CERS6: variants seen among roughly 807,000 people sequenced by gnomAD.
CERS6 encodes LAG1 homolog, ceramide synthase 6.
Under a neutral mutation model 56.8 loss-of-function variants are expected in CERS6, and 26 were observed. The observed-to-expected ratio is 0.46, with a 90% confidence interval of 0.34 to 0.63. The LOEUF is 0.63. Ranked by LOEUF, CERS6 falls within the 30% of genes least tolerant of loss-of-function variation. The pLI is 0.01. For synonymous variants in CERS6, 164 were observed against 173.3 expected, an observed-to-expected ratio of 0.95 and a Z score of 0.42; for missense variants, 415 against 467.5, an observed-to-expected ratio of 0.89 and a Z score of 1.04.
intron 8 of CERS6, among the ~76,000 whole-genome samples, chr2:168,760,699 C>A (rs1480374306): frequency 6.6e-6 from 1 of 152,138 alleles, no homozygotes; most frequent in Non-Finnish European, 1.5e-5. Flanking sequence ...TTGTAACATT[C>A]TTGGGCCAAA....
intron 4 of CERS6, among the ~76,000 whole-genome samples, chr2:168,669,015 T>C (rs1685840779): frequency 6.6e-6 from 1 of 152,188 alleles, no homozygotes; most frequent in African/African-American, 2.4e-5. Context: ...TCGCTGTTCC[T>C]CTCTAGTACA....
intron 3 of CERS6, among the ~76,000 whole-genome samples, chr2:168,618,926 A>G (rs1305217442): frequency 6.6e-6 from 1 of 152,236 alleles, no homozygotes; most frequent in African/African-American, 2.4e-5. Context: ...AGCCAAAGCA[A>G]GACTATGCAA....
intron 1 of CERS6, among the ~76,000 whole-genome samples, chr2:168,515,231 T>C (rs1193130593): frequency 2.0e-5 from 3 of 152,196 alleles, no homozygotes; most frequent in African/African-American, 7.2e-5. Flanking sequence ...AATTTAATCA[T>C]TAAGAATGAA....
intron 8 of CERS6, among the ~76,000 whole-genome samples, chr2:168,756,199 AC>A (rs1162923525): frequency 1.3e-5 from 2 of 152,134 alleles, no homozygotes; most frequent in Non-Finnish European, 1.5e-5. Context: ...CTTTTAGAAA[AC>A]TGGAAAAGTA....
At chr2:168,557,897 G>T (rs922787001) in intron 2 of CERS6, among the ~76,000 whole-genome samples, 14 of 152,044 alleles carry the variant, frequency 9.2e-5, no homozygotes, top group African/African-American at 3.4e-4. Context: ...TACAGAGAAG[G>T]GTTTAATCAC....
At chr2:168,577,543 A>G (rs1248730405) in intron 3 of CERS6, among the ~76,000 whole-genome samples, 1 of 152,204 alleles carries the variant, frequency 6.6e-6, no homozygotes, top group Admixed American at 6.5e-5. Flanking sequence ...GGAATGATCC[A>G]GCAAAGAGGG....
intron 6 of CERS6, among the ~76,000 whole-genome samples, chr2:168,705,063 G>T (rs1463467286): frequency 6.6e-6 from 1 of 152,186 alleles, no homozygotes; most frequent in Non-Finnish European, 1.5e-5. Context: ...AACCTGCTAT[G>T]GTAGTTAGAT....
intron 5 of CERS6, 71 bp from the exon 6 acceptor site, chr2:168,694,888 T>G: frequency 9.4e-5 from 111 of 1,178,246 alleles, no homozygotes; most frequent in Non-Finnish European, 1.3e-4. Flanking sequence ...GCAGTGAGCT[T>G]GAGATGTCTG....
intron 4 of CERS6, among the ~76,000 whole-genome samples, chr2:168,639,737 T>C (rs6433078): frequency 0.33 from 50,590 of 151,828 alleles, 9,627 homozygotes; most frequent in African/African-American, 0.52. Context: ...GAATTCCGAT[T>C]GGACCAGCTC....
chr2:168,692,260 C>T (rs759891380), intron 5 of CERS6, among the ~76,000 whole-genome samples: 6 of 152,112 alleles, frequency 3.9e-5, no homozygotes, highest in Non-Finnish European at 7.4e-5. Context: ...CTGCTGTTTA[C>T]CGTACTTGGA....
chr2:168,726,500 AAGG>A (rs1385805484), intron 8 of CERS6, among the ~76,000 whole-genome samples: 3 of 152,234 alleles, frequency 2.0e-5, no homozygotes, highest in African/African-American at 7.2e-5. Flanking sequence ...CTGGTAAAGA[AAGG>A]AGAAAATTCA....
At chr2:168,504,822 A>G (rs576254074) in intron 1 of CERS6, among the ~76,000 whole-genome samples, 3 of 152,256 alleles carry the variant, frequency 2.0e-5, no homozygotes, top group East Asian at 3.9e-4. Flanking sequence ...TCTACCAGCC[A>G]AAGCTTCAGG....
chr2:168,633,646 T>G (rs1032318893), intron 4 of CERS6, among the ~76,000 whole-genome samples: 1 of 152,214 alleles, frequency 6.6e-6, no homozygotes, highest in East Asian at 1.9e-4. Context: ...AATACTTCTT[T>G]TAATGTATAT....
At chr2:168,665,963 T>A (rs888701867) in intron 4 of CERS6, among the ~76,000 whole-genome samples, 44 of 145,672 alleles carry the variant, frequency 3.0e-4, no homozygotes, top group African/African-American at 1.2e-3. Context: ...TGTGTGTGTG[T>A]GTGTGTGTGT....
In CERS6 at chr2:168,606,871, G is replaced by A. The variant is rs1252996429; in HGVS notation, c.408-24114G>A. ...GAGATCTGGTTGTTTAAAAGTGTGT[G>A]GCACCTTCCCCCTCTCTCTCTTGCT... is the stretch of plus-strand genomic sequence containing the variant. On this transcript the variant is annotated intron_variant, in intron 3 of 9. Coordinates refer to ENST00000305747, the MANE Select transcript of CERS6 (RefSeq NM_203463.3). Among the ~76,000 whole-genome samples the A allele has an allele frequency of 5.9e-5, 9 of 152,270 alleles. No homozygotes were observed. In the East Asian group the frequency reaches 1.7e-3, roughly 29 times the overall value.
At chr2:168,551,772 C>T (rs112589888) in intron 2 of CERS6, among the ~76,000 whole-genome samples, 5 of 152,288 alleles carry the variant, frequency 3.3e-5, no homozygotes, top group Admixed American at 6.5e-5. Context: ...TCTACAATTA[C>T]GGATTGTCAG....
chr2:168,744,939 C>A (rs1684054948), intron 8 of CERS6, among the ~76,000 whole-genome samples: 1 of 152,138 alleles, frequency 6.6e-6, no homozygotes, highest in Non-Finnish European at 1.5e-5. Flanking sequence ...AGGCTCCACC[C>A]CAGAATAATT....
At chr2:168,497,067 A>T (rs1206927601) in intron 1 of CERS6, among the ~76,000 whole-genome samples, 1 of 152,206 alleles carries the variant, frequency 6.6e-6, no homozygotes, top group Admixed American at 6.5e-5. Flanking sequence ...CTGTGTCTCA[A>T]GTGTAAGTAA....
chr2:168,654,296 C>T (rs749492693), intron 4 of CERS6, among the ~76,000 whole-genome samples: 1 of 152,040 alleles, frequency 6.6e-6, no homozygotes, highest in Non-Finnish European at 1.5e-5. Flanking sequence ...TGCCTGTAAT[C>T]CCAACAATTT....
Sources: gnomAD v4.1 joint callset for allele counts (sites outside exome capture counted in the v4.1 genomes callset) on GRCh38, gnomAD v4.1.1 for gene constraint, MANE v1.5 for transcripts, NCBI Gene and HGNC (gene_info 2026-07-23, HGNC 2026-07-21) for gene names.